Variants in AGMO observed in about 807,000 individuals in gnomAD.
The protein encoded by AGMO is alkylglycerol monooxygenase.
In AGMO, 75 loss-of-function variants were observed where a neutral mutation model predicts 60.2. That is an observed-to-expected ratio of 1.25 (90% CI 1.03 to 1.51). The LOEUF is 1.51. Ranked by LOEUF, AGMO falls within the 40% of genes most tolerant of loss-of-function variation. AGMO has a pLI of 0.00. For missense variants in AGMO, 763 were observed against 525.5 expected (o/e 1.45, Z -4.42); for synonymous variants, 261 against 177.1 (o/e 1.47, Z -3.76).
At chr7:15,433,498 T>C (rs570645499) in intron 3 of AGMO, among the ~76,000 whole-genome samples, 2 of 152,200 alleles carry the variant, frequency 1.3e-5, no homozygotes, top group Admixed American at 1.3e-4. Context: ...GGAGGTAAAT[T>C]ATTTTCAAAA....
intron 3 of AGMO, among the ~76,000 whole-genome samples, chr7:15,436,526 A>G (rs1781409542): frequency 6.6e-6 from 1 of 152,188 alleles, no homozygotes; most frequent in Non-Finnish European, 1.5e-5. Flanking sequence ...ACATTGTTGC[A>G]TTTGTGATTA....
chr7:15,424,688 T>G (rs1211853791), intron 4 of AGMO, among the ~76,000 whole-genome samples: 2 of 152,178 alleles, frequency 1.3e-5, no homozygotes, highest in Non-Finnish European at 1.5e-5. Flanking sequence ...GACATAAACT[T>G]TGTCTTATTA....
At chr7:15,310,346 T>A (rs947604942) in intron 12 of AGMO, among the ~76,000 whole-genome samples, 1 of 151,952 alleles carries the variant, frequency 6.6e-6, no homozygotes, top group Non-Finnish European at 1.5e-5. Flanking sequence ...GACTCTGGAG[T>A]AAGGGGCCCC....
chr7:15,456,906 G>A (rs989299413), intron 3 of AGMO, among the ~76,000 whole-genome samples: 2 of 152,008 alleles, frequency 1.3e-5, no homozygotes, highest in African/African-American at 4.8e-5. Context: ...TGTTGTTGGG[G>A]GTTAATGCCT....
rs1783293700 is a variant in AGMO at position 15,262,216 on chromosome 7, T to C, written c.1264-60857A>G. 2.0e-5 allele frequency among the ~76,000 whole-genome samples: 3 copies of C among 152,062 alleles called. No homozygotes were observed. The South Asian group carries it at 6.2e-4, about 31-fold the overall frequency. ...CTGTCACTGTTTGCTGATGTGATTG[T>C]ATACTTAGAAAGCCCTAAAGACTCA... On this transcript the variant is annotated intron_variant, in intron 12 of 12. Coordinates refer to ENST00000342526, the MANE Select transcript of AGMO (RefSeq NM_001004320.2).
chr7:15,524,447 G>C (rs1307861579), intron 3 of AGMO, among the ~76,000 whole-genome samples: 1 of 152,058 alleles, frequency 6.6e-6, no homozygotes, highest in Non-Finnish European at 1.5e-5. Flanking sequence ...AGTTTAATTG[G>C]TAATTATTTA....
intron 10 of AGMO, among the ~76,000 whole-genome samples, chr7:15,384,355 C>G (rs1783825515): frequency 6.6e-6 from 1 of 152,250 alleles, no homozygotes; most frequent in Non-Finnish European, 1.5e-5. Context: ...AAAATGACAG[C>G]TAGGACAACT....
chr7:15,551,714 A>T (rs1301723342), intron 2 of AGMO, among the ~76,000 whole-genome samples: 6 of 151,318 alleles, frequency 4.0e-5, no homozygotes, highest in African/African-American at 1.5e-4. Flanking sequence ...GGGTAGGAAG[A>T]ATCAATATCG....
intron 12 of AGMO, among the ~76,000 whole-genome samples, chr7:15,292,032 G>C (rs1784278106): frequency 6.6e-6 from 1 of 151,298 alleles, no homozygotes; most frequent in Non-Finnish European, 1.5e-5. Context: ...AAATTTCTAA[G>C]GTGAATTTAG....
intron 10 of AGMO, among the ~76,000 whole-genome samples, chr7:15,373,621 T>C (rs1419585120): frequency 6.6e-6 from 1 of 152,062 alleles, no homozygotes; most frequent in Non-Finnish European, 1.5e-5. Flanking sequence ...CTCACATTTC[T>C]CCACCAAACA....
chr7:15,460,604 T>C (rs10242036), intron 3 of AGMO, among the ~76,000 whole-genome samples: 2,128 of 152,202 alleles, frequency 0.014, 48 homozygotes, highest in African/African-American at 0.05. Context: ...TTTAATAAGA[T>C]ATTAATGAGA....
intron 12 of AGMO, among the ~76,000 whole-genome samples, chr7:15,346,773 T>C (rs1782049397): frequency 6.6e-6 from 1 of 151,968 alleles, no homozygotes; most frequent in Non-Finnish European, 1.5e-5. Flanking sequence ...TAGTGCAGAA[T>C]ATAAGCAAAA....
intron 10 of AGMO, among the ~76,000 whole-genome samples, chr7:15,373,603 A>C (rs972372638): frequency 3.9e-5 from 6 of 152,134 alleles, no homozygotes; most frequent in African/African-American, 1.4e-4. Flanking sequence ...GGGTCAATAC[A>C]ACCTCCTCTC....
chr7:15,220,023 C>T (rs968634469), intron 12 of AGMO, among the ~76,000 whole-genome samples: 3 of 151,994 alleles, frequency 2.0e-5, no homozygotes, highest in Admixed American at 6.6e-5. Context: ...AAATCCCACC[C>T]GTCCTTGAAG....
At chr7:15,488,800 C>A (rs1368589908) in intron 3 of AGMO, among the ~76,000 whole-genome samples, 1 of 151,366 alleles carries the variant, frequency 6.6e-6, no homozygotes, top group Non-Finnish European at 1.5e-5. Flanking sequence ...AGGGCACATT[C>A]GGTTGTTTTT....
chr7:15,328,422 A>G (rs1781410668), intron 12 of AGMO, among the ~76,000 whole-genome samples: 1 of 152,126 alleles, frequency 6.6e-6, no homozygotes, highest in South Asian at 2.1e-4. Flanking sequence ...TGAATAATTG[A>G]GGCTAAGTAA....
chr7:15,391,527 G>T (rs1196138131), intron 6 of AGMO, among the ~76,000 whole-genome samples: 1 of 152,038 alleles, frequency 6.6e-6, no homozygotes, highest in Non-Finnish European at 1.5e-5. Flanking sequence ...TAGACATAAT[G>T]ATATCCACAT....
At chr7:15,510,167 T>C (rs2128529783) in intron 3 of AGMO, among the ~76,000 whole-genome samples, 1 of 152,032 alleles carries the variant, frequency 6.6e-6, no homozygotes, top group East Asian at 1.9e-4. Context: ...AACCTAAGCA[T>C]CTTTTGTTTT....
intron 10 of AGMO, among the ~76,000 whole-genome samples, chr7:15,368,639 A>G (rs1186942608): frequency 3.3e-5 from 5 of 152,250 alleles, no homozygotes; most frequent in African/African-American, 1.2e-4. Flanking sequence ...AAAAAAGTCA[A>G]TTGATGGTCA....
Sources: gnomAD v4.1 joint callset for allele counts (sites outside exome capture counted in the v4.1 genomes callset) on GRCh38, gnomAD v4.1.1 for gene constraint, MANE v1.5 for transcripts, NCBI Gene and HGNC (gene_info 2026-07-23, HGNC 2026-07-21) for gene names.